The following ILDR2 variants were observed in gnomAD, a reference collection of about 807,000 sequenced individuals.
The protein encoded by ILDR2 is immunoglobulin like domain containing receptor 2.
In ILDR2, 25 loss-of-function variants were observed where a neutral mutation model predicts 66.8. The ratio of observed to expected loss-of-function variants is 0.37; its 90% CI spans 0.27 to 0.52. The LOEUF (loss-of-function observed/expected upper bound fraction) is 0.52. ILDR2 is among the 20% of genes least tolerant of loss of function. The probability of loss-of-function intolerance (pLI) is 0.88; values close to 1 mark genes in which losing one functional copy is unlikely to be tolerated. For missense variants in ILDR2, 827 were observed against 876.8 expected (o/e 0.94, Z 0.72); for synonymous variants, 367 against 357.2 (o/e 1.03, Z -0.31).
At chr1:166,953,556 C>T (rs1273672253) in intron 3 of ILDR2, among the ~76,000 whole-genome samples, 1 of 152,228 alleles carries the variant, frequency 6.6e-6, no homozygotes, top group Non-Finnish European at 1.5e-5. Flanking sequence ...AAGCCACCAT[C>T]AATAGTTTTT....
rs943870192 is a variant in ILDR2 at position 166,935,448 on chromosome 1, C to T, written c.733G>A (p.Gly245Arg). 1.0e-5 allele frequency: 16 copies of T among 1,606,584 alleles called. No homozygotes were observed. The highest frequency in any genetic ancestry group is 4.5e-5 in the East Asian group (2 of 44,828). ...LYEAGKAAKAGYPPSVSGVPG... is the reference protein window; with the variant it reads ...LYEAGKAAKARYPPSVSGVPG... ...ACACCGGAGACAGAGGGAGGGTACC[C>T]GGCCTTTGCTGCTTTCCCTGCTTCA... The change falls in exon 6 of 10, where the codon GGG (glycine) becomes AGG (arginine). Residue 245 changes from glycine (G) to arginine (R), a missense_variant. Gly to Arg is a moderately radical substitution (Grantham distance 125). Around this residue, in one of 2 missense-constraint regions of ILDR2, gnomAD observed 437 missense variants for 523.2 expected, o/e 0.84. Transcript: ENST00000271417.
intron 9 of ILDR2, among the ~76,000 whole-genome samples, chr1:166,920,450 G>A (rs1405601137): frequency 2.6e-5 from 4 of 152,226 alleles, no homozygotes; most frequent in East Asian, 1.9e-4. Context: ...CCATATACAC[G>A]CCTTCAACTT....
rs1377515280 is a variant in ILDR2, at chr1:166,921,030, C to T, written c.1561G>A (p.Ala521Thr). 1 of 1,511,088 alleles carries T rather than the reference C, an allele frequency of 6.6e-7. No homozygotes were observed. The highest frequency in any genetic ancestry group is 8.8e-7 in the Non-Finnish European group (1 of 1,140,714). The allele number at this position is 1,511,088 out of a possible 1,614,324, so 93.6% of individuals were successfully genotyped here. A position where few individuals can be genotyped will look rare whatever the true frequency, so the allele number is the denominator to read the frequency against. ...PRLVSRTPGT[A>T]PKYDHSYLGS... is the part of the protein sequence containing the mutation. ...AGGTACGAGTGGTCGTATTTGGGTG[C>T]GGTGCCTGGCGTGCGGCTCACCAGC... Residue 521 changes from alanine (A) to threonine (T), a missense_variant, in exon 9 of 10, where the codon GCA (alanine) becomes ACA (threonine). By Grantham distance (58) the Ala-to-Thr change is moderately conservative. This residue lies in a region of ILDR2 where 390 missense variants were observed against 353.6 expected (regional missense o/e 1.10). Transcript: ENST00000271417. This position sits in a 1 kb window ranked among gnomAD's most constrained non-coding sequence, Gnocchi z 5.3.
rs1659902710 is a variant in ILDR2, at chr1:166,921,079, G to A, written c.1512C>T (p.Pro504=). ...GWAFSPARRR[P]AEDAHLPRLV... ...GCCGCGGCAGGTGCGCGTCCTCGGCGGGTCTGCGGCGCGCGGGGCTGAAGG... is the reference window on the plus strand; with the variant it reads ...GCCGCGGCAGGTGCGCGTCCTCGGCAGGTCTGCGGCGCGCGGGGCTGAAGG... Residue 504 remains proline, a synonymous_variant, in exon 9 of 10, where the codon CCC becomes CCT. Coordinates refer to ENST00000271417, the MANE Select transcript of ILDR2 (RefSeq NM_199351.3). This position sits in a 1 kb window ranked among gnomAD's most constrained non-coding sequence, Gnocchi z 5.3. 6.7e-7 allele frequency: 1 copy of A among 1,483,824 alleles called. No individual in the cohort carries two copies. 91.9% of individuals were successfully genotyped at this position (1,483,824 alleles called of 1,614,324 possible).
At chr1:166,965,635 C>T (rs1313634835) in intron 1 of ILDR2, among the ~76,000 whole-genome samples, 1 of 147,962 alleles carries the variant, frequency 6.8e-6, no homozygotes, top group Non-Finnish European at 1.5e-5. Context: ...TGCAGTGGCA[C>T]CACCTTGGCT....
At position 166,919,070 on chromosome 1, in the gene ILDR2, G is replaced by A. The variant is rs1254658686; in HGVS notation, c.*285C>T. ...AAATGGAGTCCTGGTTCTGTTAAGG[G>A]AGGAGGCTGGGCAGGATAAACGCTA... is the stretch of plus-strand genomic sequence containing the variant. On this transcript the variant is annotated 3_prime_UTR_variant, in exon 10 of 10. Coordinates refer to ENST00000271417, the MANE Select transcript of ILDR2 (RefSeq NM_199351.3). 2.1e-6 allele frequency: 1 copy of A among 472,072 alleles called. No homozygotes were observed. The highest frequency in any genetic ancestry group is 3.7e-6 in the Non-Finnish European group (1 of 267,336). 29.2% of individuals were successfully genotyped at this position (472,072 alleles called of 1,614,324 possible). A position where few individuals can be genotyped will look rare whatever the true frequency, so the allele number is the denominator to read the frequency against.
chr1:166,961,650 A>G (rs1031577436), intron 1 of ILDR2, among the ~76,000 whole-genome samples: 1 of 152,198 alleles, frequency 6.6e-6, no homozygotes, highest in African/African-American at 2.4e-5. Context: ...GTAAGATTGT[A>G]TCCTAAGTAT....
At chr1:166,966,371 G>A (rs1381518392) in intron 1 of ILDR2, among the ~76,000 whole-genome samples, 2 of 152,150 alleles carry the variant, frequency 1.3e-5, no homozygotes, top group Non-Finnish European at 2.9e-5. Context: ...GTACCATCTT[G>A]AAATTTTTAA....
chr1:166,938,072 A>G (rs989976257), intron 4 of ILDR2, among the ~76,000 whole-genome samples: 2 of 152,242 alleles, frequency 1.3e-5, no homozygotes. Context: ...TTCAAATTAA[A>G]CAGGTCAACA....
rs934406007 is a variant in ILDR2 at position 166,912,245 on chromosome 1, C to G, written c.*7110G>C. 5.9e-5 allele frequency: 9 copies of G among 152,106 alleles called. No homozygotes were observed. The highest frequency in any genetic ancestry group is 1.3e-4 in the Non-Finnish European group (9 of 67,996). 9.4% of individuals were successfully genotyped at this position (152,106 alleles called of 1,614,324 possible). On this transcript the variant is annotated 3_prime_UTR_variant, in exon 10 of 10. Transcript: ENST00000271417. ...CAATGTCCTGAAAGAAAATAACTAT[C>G]AATCTAGAATCATAATCAGTGAAAT...
intron 1 of ILDR2, among the ~76,000 whole-genome samples, chr1:166,960,161 T>A (rs1016564041): frequency 4.6e-5 from 7 of 152,224 alleles, no homozygotes; most frequent in Non-Finnish European, 1.0e-4. Context: ...TAGGTCCTAA[T>A]TCCTGTTGGG....
intron 6 of ILDR2, among the ~76,000 whole-genome samples, chr1:166,934,904 G>T (rs1028686968): frequency 6.6e-6 from 1 of 152,110 alleles, no homozygotes; most frequent in Non-Finnish European, 1.5e-5. Context: ...CCTAATAAAG[G>T]TCCGTTCTCT....
chr1:166,949,995 TAGAA>T (rs1661875347), intron 3 of ILDR2, among the ~76,000 whole-genome samples: 1 of 152,222 alleles, frequency 6.6e-6, no homozygotes, highest in Non-Finnish European at 1.5e-5. Flanking sequence ...CTGCTGATGA[TAGAA>T]AGGATGATTC....
At chr1:166,974,635 A>C (rs942391156) in intron 1 of ILDR2, among the ~76,000 whole-genome samples, 1 of 152,120 alleles carries the variant, frequency 6.6e-6, no homozygotes, top group South Asian at 2.1e-4. Context: ...AGTAAGAGAG[A>C]GCCAGGCTCT....
At position 166,914,245 on chromosome 1, in the gene ILDR2, T is replaced by C. The variant is rs968007842; in HGVS notation, c.*5110A>G. 1 of 152,262 alleles carries C rather than the reference T, an allele frequency of 6.6e-6. No individual in the cohort carries two copies. The highest frequency in any genetic ancestry group is 2.4e-5 in the African/African-American group (1 of 41,462). The allele number at this position is 152,262 out of a possible 1,614,324, so 9.4% of individuals were successfully genotyped here. ...GAAGCAGCAACAGTATCTGTCTTCA[T>C]GGCTTCGCCACATCCATGACATATG... On this transcript the variant is annotated 3_prime_UTR_variant, in exon 10 of 10. Transcript: ENST00000271417.
At chr1:166,905,015 A>C (rs79204064), downstream of ILDR2, among the ~76,000 whole-genome samples, 4,965 of 152,334 alleles carry the variant, frequency 0.033, 136 homozygotes, top group South Asian at 0.096. Context: ...GGAGACTTTT[A>C]AATATTGTTA....
At chr1:166,898,789 G>A (rs182750193) in intron 2 of ILDR2, among the ~76,000 whole-genome samples, 1 of 152,232 alleles carries the variant, frequency 6.6e-6, no homozygotes, top group East Asian at 1.9e-4. Flanking sequence ...GCCAGATGCA[G>A]TAGCTGACAC....
At chr1:166,969,129 CA>C (rs892444438) in intron 1 of ILDR2, among the ~76,000 whole-genome samples, 1 of 151,902 alleles carries the variant, frequency 6.6e-6, no homozygotes, top group Non-Finnish European at 1.5e-5. Context: ...ACAACAACAA[CA>C]AAAAAAGACA....
At chr1:166,969,757 T>C (rs182553437) in intron 1 of ILDR2, among the ~76,000 whole-genome samples, 44 of 152,382 alleles carry the variant, frequency 2.9e-4, no homozygotes, top group Admixed American at 2.5e-3. Context: ...GAGTTACAGT[T>C]TGATCTACCT....
Sources: allele counts gnomAD v4.1 joint callset (sites outside exome capture counted in the v4.1 genomes callset), GRCh38; gene constraint gnomAD v4.1.1; regional missense constraint gnomAD v4.1.1; non-coding constraint Gnocchi (gnomAD v3.1); transcripts MANE v1.5; gene names NCBI Gene and HGNC (gene_info 2026-07-23, HGNC 2026-07-21).